Variants in PDZD9 observed in about 807,000 individuals in gnomAD.
PDZD9 encodes PDZ domain containing 9.
Under a neutral mutation model 16.3 loss-of-function variants are expected in PDZD9, and 13 were observed. The observed-to-expected ratio is 0.80, with a 90% CI of 0.52 to 1.27. The LOEUF (loss-of-function observed/expected upper bound fraction) is 1.27, where lower values mean the gene tolerates loss of function less well. PDZD9 is among the 50% of genes most tolerant of loss of function. PDZD9 has a pLI of 0.00. For synonymous variants in PDZD9, 120 were observed against 111.0 expected, an observed-to-expected ratio of 1.08 and a Z score of -0.51; for missense variants, 288 against 310.9, an observed-to-expected ratio of 0.93 and a Z score of 0.55.
chr16:21,958,291 A>G, the PDZD9 span, among the ~76,000 whole-genome samples: 1 of 152,254 alleles, frequency 6.6e-6, no homozygotes, highest in Non-Finnish European at 1.5e-5. Flanking sequence ...AGTCTCTTTC[A>G]GAATAGACTA....
chr16:21,967,543 A>G, the PDZD9 span, among the ~76,000 whole-genome samples: 1 of 152,082 alleles, frequency 6.6e-6, no homozygotes, highest in Non-Finnish European at 1.5e-5. Context: ...TATTAAGCCT[A>G]AGGTGGTAAT....
chr16:21,966,501 T>C, the PDZD9 span, among the ~76,000 whole-genome samples: 2 of 151,986 alleles, frequency 1.3e-5, no homozygotes, highest in Non-Finnish European at 2.9e-5. Context: ...AAGAGAAAAA[T>C]TTGTAATTAT....
At chr16:21,980,782 T>G, downstream of PDZD9, 1 of 1,518,404 alleles carries the variant, frequency 6.6e-7, no homozygotes, top group Non-Finnish European at 8.9e-7. Flanking sequence ...ATAAGCGTCC[T>G]TGGGCAGTGT....
chr16:21,993,091 T>C (rs1899063806), intron 2 of PDZD9, among the ~76,000 whole-genome samples: 1 of 152,162 alleles, frequency 6.6e-6, no homozygotes, highest in Non-Finnish European at 1.5e-5. Context: ...TACGGAACTG[T>C]GAGTCAATTA....
intron 2 of PDZD9, among the ~76,000 whole-genome samples, chr16:21,990,817 C>A (rs974200480): frequency 6.6e-6 from 1 of 152,164 alleles, no homozygotes; most frequent in Non-Finnish European, 1.5e-5. Context: ...ATTTCCTGAC[C>A]GTTCTGGCTG....
chr16:21,967,779 T>A, the PDZD9 span, among the ~76,000 whole-genome samples: 1,470 of 152,280 alleles, frequency 9.7e-3, 21 homozygotes, highest in African/African-American at 0.034. Context: ...AGACAATGAC[T>A]TCATGGTCAG....
At chr16:21,958,731 G>A in the PDZD9 span, 1 of 763,532 alleles carries the variant, frequency 1.3e-6, no homozygotes, top group Non-Finnish European at 2.1e-6. Flanking sequence ...ATGAATTTGA[G>A]TATATCAAAC....
chr16:21,995,261 A>C (rs1899119488), intron 2 of PDZD9: 1 of 457,212 alleles, frequency 2.2e-6, no homozygotes, highest in East Asian at 7.0e-5. Flanking sequence ...ACCTTCTGCC[A>C]TGATTGTAAG....
intron 1 of PDZD9, among the ~76,000 whole-genome samples, 200 bp downstream of exon 1, chr16:22,000,817 C>T (rs1400335117): frequency 6.8e-6 from 1 of 147,408 alleles, no homozygotes; most frequent in Admixed American, 6.8e-5. Flanking sequence ...AAGCAAGACT[C>T]CTTCTCAAAT....
At chr16:21,980,170 C>A, downstream of PDZD9, 1 of 205,262 alleles carries the variant, frequency 4.9e-6, no homozygotes, top group African/African-American at 2.3e-5. Context: ...GGAGAAAGAG[C>A]ATGCTGCGAC....
At chr16:21,976,701 AAACAAAC>A in the PDZD9 span, 1 of 152,964 alleles carries the variant, frequency 6.5e-6, no homozygotes, top group African/African-American at 2.4e-5. Context: ...TCATCCAGCC[AAACAAAC>A]ATAAGTCAAA....
intron 1 of PDZD9, among the ~76,000 whole-genome samples, chr16:22,000,582 A>G (rs1158595420): frequency 6.6e-6 from 1 of 151,908 alleles, no homozygotes; most frequent in Non-Finnish European, 1.5e-5. Flanking sequence ...GATAAAAATA[A>G]CGATGGCCAA....
chr16:21,959,940 C>T, the PDZD9 span, among the ~76,000 whole-genome samples: 1 of 152,188 alleles, frequency 6.6e-6, no homozygotes, highest in Non-Finnish European at 1.5e-5. Context: ...ATGCTATAAA[C>T]AGATGTACTA....
At chr16:21,984,807 C>CT (rs1567483907) in intron 3 of PDZD9, 147 bp from the exon 4 acceptor site, 1 of 579,948 alleles carries the variant, frequency 1.7e-6, no homozygotes, top group African/African-American at 1.9e-5. Flanking sequence ...AAATGTTTCT[C>CT]TTTTTTAAAT....
At chr16:21,965,841 A>G in the PDZD9 span, among the ~76,000 whole-genome samples, 4 of 152,204 alleles carry the variant, frequency 2.6e-5, no homozygotes, top group East Asian at 5.8e-4. Flanking sequence ...TTCTGTGTGT[A>G]TGTATCTTTT....
At chr16:21,962,542 T>A in the PDZD9 span, 1 of 1,613,888 alleles carries the variant, frequency 6.2e-7, no homozygotes, top group African/African-American at 1.3e-5. Flanking sequence ...TGTTTAGGAC[T>A]TCTGCTTTGA....
intron 2 of PDZD9, among the ~76,000 whole-genome samples, chr16:21,993,072 C>A (rs1229887815): frequency 1.3e-5 from 2 of 152,124 alleles, no homozygotes; most frequent in East Asian, 3.9e-4. Flanking sequence ...CCTGAGGCCA[C>A]CCCAGCCGTA....
At chr16:21,980,967 C>T (rs1184261967), downstream of PDZD9, among the ~76,000 whole-genome samples, 1 of 152,044 alleles carries the variant, frequency 6.6e-6, no homozygotes, top group African/African-American at 2.4e-5. Flanking sequence ...ACTGAGATGG[C>T]AGTCAAAAGT....
At chr16:21,962,246 C>T in the PDZD9 span, 57 of 566,434 alleles carry the variant, frequency 1.0e-4, no homozygotes, top group South Asian at 9.6e-4. Context: ...TAACATGTGA[C>T]CAGATTTCAC....
Sources: allele counts gnomAD v4.1 joint callset (sites outside exome capture counted in the v4.1 genomes callset), GRCh38; gene constraint gnomAD v4.1.1; transcripts MANE v1.5; gene names NCBI Gene and HGNC (gene_info 2026-07-23, HGNC 2026-07-21).